Variants in HHIPL1 observed in about 807,000 individuals in gnomAD.
HHIPL1 encodes the protein HHIP-like protein 1.
In HHIPL1, 43 loss-of-function variants were observed where a neutral mutation model predicts 61.8. The observed-to-expected ratio is 0.70, with a 90% confidence interval of 0.55 to 0.90. The LOEUF (loss-of-function observed/expected upper bound fraction) is 0.90, where lower values mean the gene tolerates loss of function less well. HHIPL1 is among the 40% of genes least tolerant of loss of function. HHIPL1 has a pLI of 0.00. For synonymous variants in HHIPL1, 482 were observed against 515.8 expected, an observed-to-expected ratio of 0.93 and a Z score of 0.89; for missense variants, 1,056 against 1,157.7, an observed-to-expected ratio of 0.91 and a Z score of 1.28.
chr14:99,645,166 G>GTCCCTCCGCCTCC lies in HHIPL1; in HGVS notation c.-42_-41insTCCCTCCGCCTCC. On this transcript the variant is annotated 5_prime_UTR_variant, in exon 1 of 9. Transcript: ENST00000330710. Reference sequence around the variant, plus strand: ...GCCGCGAGCGCCCCGGGAGGGGACCGGGGCTGCCGTCCCTCCGCCTCTTCC... The same window carrying GTCCCTCCGCCTCC: ...GCCGCGAGCGCCCCGGGAGGGGACCGTCCCTCCGCCTCCGGGCTGCCGTCCCTCCGCCTCTTCC... 1 of 1,253,308 alleles carries GTCCCTCCGCCTCC rather than the reference G, an allele frequency of 8.0e-7. No homozygotes were observed. The highest frequency in any genetic ancestry group is 1.0e-6 in the Non-Finnish European group (1 of 999,408). 77.6% of individuals were successfully genotyped at this position (1,253,308 alleles called of 1,614,324 possible). A position where few individuals can be genotyped will look rare whatever the true frequency, so the allele number is the denominator to read the frequency against.
intron 7 of HHIPL1, among the ~76,000 whole-genome samples, chr14:99,671,728 GCT>G (rs1300657014): frequency 6.6e-6 from 1 of 152,118 alleles, no homozygotes; most frequent in East Asian, 1.9e-4. Context: ...TTGTCTCCCT[GCT>G]CTCTCACACC....
At chr14:99,637,327 C>T in the HHIPL1 span, among the ~76,000 whole-genome samples, 2 of 151,842 alleles carry the variant, frequency 1.3e-5, no homozygotes, top group African/African-American at 2.4e-5. Context: ...TTTGGGAGGC[C>T]GAGGCAGGCA....
upstream of HHIPL1, among the ~76,000 whole-genome samples, chr14:99,643,283 G>A (rs1043457697): frequency 5.9e-5 from 9 of 152,022 alleles, no homozygotes; most frequent in South Asian, 2.1e-4. Context: ...CGGGTGATCC[G>A]CCCGCCTCAG....
the HHIPL1 span, among the ~76,000 whole-genome samples, chr14:99,630,307 CT>C: frequency 2.6e-5 from 4 of 152,230 alleles, no homozygotes; most frequent in Non-Finnish European, 5.9e-5. Context: ...GAGGAAGCCC[CT>C]GGTCCATCTG....
Position 99,671,087 on chromosome 14 carries a change from G to A in HHIPL1, c.1731-1230G>A, listed in dbSNP as rs371509646. Among the ~76,000 whole-genome samples the A allele has an allele frequency of 5.6e-4, 85 of 152,120 alleles. 2 individuals carry two copies. The South Asian group carries it at 0.015, about 27-fold the overall frequency. Reference sequence around the variant, plus strand: ...AGAAGTGGGCTAGATTCCTCCTCCCGCCCTGACCCTTCTCCCTTCATTCTC... The same window carrying A: ...AGAAGTGGGCTAGATTCCTCCTCCCACCCTGACCCTTCTCCCTTCATTCTC... On this transcript the variant is annotated intron_variant, in intron 7 of 8. Coordinates refer to ENST00000330710, the MANE Select transcript of HHIPL1 (RefSeq NM_001127258.3).
chr14:99,606,877 A>G, the HHIPL1 span, among the ~76,000 whole-genome samples: 4 of 152,060 alleles, frequency 2.6e-5, no homozygotes, highest in African/African-American at 9.7e-5. Flanking sequence ...GGGCTGAAAC[A>G]GCGTCCTGAA....
At chr14:99,659,358 T>G (rs2056101930) in intron 3 of HHIPL1, 70 bp from the exon 4 acceptor site, 1 of 1,264,342 alleles carries the variant, frequency 7.9e-7, no homozygotes, top group Non-Finnish European at 1.0e-6. Flanking sequence ...CCCCAGCACC[T>G]GCCCCGCGGA....
chr14:99,613,873 T>G, the HHIPL1 span, among the ~76,000 whole-genome samples: 1 of 152,050 alleles, frequency 6.6e-6, no homozygotes, highest in Non-Finnish European at 1.5e-5. Context: ...ATCATGCCGT[T>G]GCACTACAGC....
rs2055964848 is a variant in HHIPL1 at position 99,652,935 on chromosome 14, A to AC, written c.902+67dup. Reference sequence around the variant, plus strand: ...CACCCATATGCACTGGTGTGACAGGACCAGTTGGTATCCTGTTCTCACATA... The same window carrying AC: ...CACCCATATGCACTGGTGTGACAGGACCCAGTTGGTATCCTGTTCTCACATA... On this transcript the variant is annotated intron_variant, in intron 2 of 8. Coordinates refer to ENST00000330710, the MANE Select transcript of HHIPL1 (RefSeq NM_001127258.3). 17 of 1,460,728 alleles carry AC rather than the reference A, an allele frequency of 1.2e-5. No homozygotes were observed. In the Admixed American group the frequency reaches 3.4e-4, roughly 29 times the overall value. The allele number at this position is 1,460,728 out of a possible 1,614,324, so 90.5% of individuals were successfully genotyped here.
At chr14:99,650,125 CA>C (rs1256371732) in intron 1 of HHIPL1, among the ~76,000 whole-genome samples, 1 of 152,250 alleles carries the variant, frequency 6.6e-6, no homozygotes, top group African/African-American at 2.4e-5. Flanking sequence ...GCCAGGAGGA[CA>C]TGCTGTGGTA....
the HHIPL1 span, among the ~76,000 whole-genome samples, chr14:99,635,140 C>T: frequency 6.6e-6 from 1 of 152,118 alleles, no homozygotes; most frequent in East Asian, 1.9e-4. Flanking sequence ...GAGTTGGGGT[C>T]TGCAGGGGTG....
intron 8 of HHIPL1, among the ~76,000 whole-genome samples, 175 bp from the exon 9 acceptor site, chr14:99,674,916 C>A (rs1032266315): frequency 2.0e-5 from 3 of 152,192 alleles, no homozygotes; most frequent in Non-Finnish European, 4.4e-5. Flanking sequence ...ACCTGGGAAG[C>A]ACGACTGGGA....
chr14:99,654,792 G>T (rs538020104), intron 2 of HHIPL1, among the ~76,000 whole-genome samples: 3 of 152,168 alleles, frequency 2.0e-5, no homozygotes, highest in Non-Finnish European at 2.9e-5. Context: ...ATAATTATCA[G>T]ATCTTACAGG....
chr14:99,662,141 G>A (rs1168585584), intron 5 of HHIPL1, among the ~76,000 whole-genome samples: 1 of 152,114 alleles, frequency 6.6e-6, no homozygotes, highest in Admixed American at 6.5e-5. Flanking sequence ...GCAAGAACCA[G>A]GATGACAGAG....
At chr14:99,624,229 C>T in the HHIPL1 span, among the ~76,000 whole-genome samples, 3,909 of 152,268 alleles carry the variant, frequency 0.026, 93 homozygotes, top group Middle Eastern at 0.054. Context: ...GGCTGTGGCT[C>T]CCTGGAGCAT....
At chr14:99,669,938 T>C (rs1240348241) in intron 7 of HHIPL1, among the ~76,000 whole-genome samples, 2 of 152,126 alleles carry the variant, frequency 1.3e-5, no homozygotes, top group African/African-American at 2.4e-5. Context: ...ACAAAAGACA[T>C]TTTAGAATAG....
intron 1 of HHIPL1, among the ~76,000 whole-genome samples, chr14:99,646,847 A>G (rs151274622): frequency 1.5e-3 from 211 of 138,854 alleles, no homozygotes; most frequent in East Asian, 6.1e-3. Context: ...AATATAATAT[A>G]ATATAATATA....
the HHIPL1 span, among the ~76,000 whole-genome samples, chr14:99,631,116 T>C: frequency 0.042 from 5,240 of 125,374 alleles, 141 homozygotes; most frequent in Middle Eastern, 0.085. Context: ...TTCTCTCTCT[T>C]TCTTTCTTTC....
At chr14:99,664,598 A>G (rs2056212333) in intron 6 of HHIPL1, among the ~76,000 whole-genome samples, 1 of 152,044 alleles carries the variant, frequency 6.6e-6, no homozygotes, top group Non-Finnish European at 1.5e-5. Context: ...GGTCCAACGC[A>G]AACAAACCTT....
Sources: gnomAD v4.1 joint callset for allele counts (sites outside exome capture counted in the v4.1 genomes callset) on GRCh38, gnomAD v4.1.1 for gene constraint, MANE v1.5 for transcripts, NCBI Gene and HGNC (gene_info 2026-07-23, HGNC 2026-07-21) for gene names.